LUZP1: variants seen among roughly 807,000 people sequenced by gnomAD.
The protein encoded by LUZP1 is leucine zipper protein 1.
LUZP1 carries 25 observed loss-of-function variants against 71.3 expected under a neutral mutation model. The ratio of observed to expected loss-of-function variants is 0.35; its 90% confidence interval spans 0.26 to 0.49. The LOEUF (loss-of-function observed/expected upper bound fraction) is 0.49, where lower values mean the gene tolerates loss of function less well. Among genes scored for constraint, LUZP1 ranks in the 20% least tolerant of loss-of-function variants. The probability of loss-of-function intolerance (pLI) is 0.99; values close to 1 mark genes in which losing one functional copy is unlikely to be tolerated. For missense variants in LUZP1, 1,142 were observed against 1,300.8 expected (o/e 0.88, Z 1.88); for synonymous variants, 481 against 506.4 (o/e 0.95, Z 0.67).
At chr1:23,117,478 C>CTCTCTCTCTCTCTCTCT (rs35662791) in intron 2 of LUZP1, among the ~76,000 whole-genome samples, 3 of 17,448 alleles carry the variant, frequency 1.7e-4, no homozygotes, top group African/African-American at 7.7e-4. Flanking sequence ...TCTCTCTCTC[C>CTCTCTCTCTCTCTCTCT]CCCCCCCCCC....
chr1:23,101,356 T>A (rs1342311902), intron 3 of LUZP1, among the ~76,000 whole-genome samples: 1 of 152,142 alleles, frequency 6.6e-6, no homozygotes, highest in Admixed American at 6.6e-5. Flanking sequence ...CACAATAACC[T>A]TATGGGGCAA....
chr1:23,091,884 G>A, exon 4 of LUZP1: 18 of 1,614,168 alleles, frequency 1.1e-5, no homozygotes, highest in Non-Finnish European at 1.4e-5. Context: ...AATGCTACTT[G>A]TCACTTTGTT....
intron 2 of LUZP1, among the ~76,000 whole-genome samples, chr1:23,145,731 A>G (rs992085697): frequency 4.6e-5 from 7 of 152,234 alleles, no homozygotes; most frequent in African/African-American, 1.4e-4. Context: ...TCAGCCTCCC[A>G]AAGTGCTGGG....
chr1:23,092,265 G>C, exon 4 of LUZP1: 1 of 1,614,168 alleles, frequency 6.2e-7, no homozygotes, highest in Non-Finnish European at 8.5e-7. Context: ...AACAAGAGAT[G>C]CTATGTCCAA....
chr1:23,097,671 A>T (rs555149014), intron 3 of LUZP1, among the ~76,000 whole-genome samples: 1 of 152,232 alleles, frequency 6.6e-6, no homozygotes, highest in South Asian at 2.1e-4. Context: ...CGTCTCTATA[A>T]AAAAAGGTAA....
At chr1:23,132,140 T>C (rs1410251092) in intron 2 of LUZP1, among the ~76,000 whole-genome samples, 1 of 152,146 alleles carries the variant, frequency 6.6e-6, no homozygotes, top group East Asian at 1.9e-4. Flanking sequence ...GACAGAAATA[T>C]GGTATTTCCT....
At chr1:23,136,491 T>A (rs1029367300) in intron 2 of LUZP1, among the ~76,000 whole-genome samples, 2 of 152,190 alleles carry the variant, frequency 1.3e-5, no homozygotes, top group African/African-American at 4.8e-5. Flanking sequence ...ACTCAAACTT[T>A]AGTATTGTGT....
intron 2 of LUZP1, among the ~76,000 whole-genome samples, chr1:23,149,715 C>T (rs1412775791): frequency 1.3e-5 from 2 of 151,968 alleles, no homozygotes; most frequent in Non-Finnish European, 2.9e-5. Flanking sequence ...TGGTTCACGC[C>T]TATAATCCCA....
At chr1:23,135,129 T>C (rs1459275701) in intron 2 of LUZP1, among the ~76,000 whole-genome samples, 2 of 152,312 alleles carry the variant, frequency 1.3e-5, no homozygotes, top group East Asian at 1.9e-4. Context: ...TGGGGCTAAA[T>C]GTGTTTTGAA....
chr1:23,134,176 A>G (rs1644236012), intron 2 of LUZP1, among the ~76,000 whole-genome samples: 1 of 152,078 alleles, frequency 6.6e-6, no homozygotes, highest in South Asian at 2.1e-4. Flanking sequence ...GCTGACTCCT[A>G]CTCTAGATTA....
exon 5 of LUZP1, chr1:23,084,765 G>GGAAA (rs1450431506): frequency 2.0e-5 from 3 of 152,062 alleles, no homozygotes; most frequent in Non-Finnish European, 4.4e-5. Flanking sequence ...TGGCAGTAAT[G>GGAAA]GAAAGAATCT....
chr1:23,144,292 T>C (rs539856437), intron 2 of LUZP1, among the ~76,000 whole-genome samples: 5 of 152,234 alleles, frequency 3.3e-5, no homozygotes, highest in African/African-American at 9.6e-5. Flanking sequence ...TGCAGAGATC[T>C]TGCAGTACAT....
At chr1:23,150,595 G>T (rs1007127663) in intron 2 of LUZP1, among the ~76,000 whole-genome samples, 21 of 152,050 alleles carry the variant, frequency 1.4e-4, no homozygotes, top group African/African-American at 4.8e-4. Flanking sequence ...GAAAAGAATG[G>T]GACTGAGCTT....
intron 2 of LUZP1, among the ~76,000 whole-genome samples, chr1:23,167,247 G>C (rs1644516754): frequency 6.6e-6 from 1 of 152,080 alleles, no homozygotes; most frequent in Non-Finnish European, 1.5e-5. Flanking sequence ...CTAATTTGAG[G>C]TAGTCAAATC....
chr1:23,117,691 C>A (rs1644096444), intron 2 of LUZP1, among the ~76,000 whole-genome samples: 1 of 152,036 alleles, frequency 6.6e-6, no homozygotes, highest in Admixed American at 6.6e-5. Flanking sequence ...GTTCTGCCTC[C>A]CACCCCTAAG....
chr1:23,139,397 C>A (rs1417351700), intron 2 of LUZP1, among the ~76,000 whole-genome samples: 1 of 151,908 alleles, frequency 6.6e-6, no homozygotes, highest in Admixed American at 6.6e-5. Flanking sequence ...ATAGGTGACC[C>A]TTGAACAACA....
At chr1:23,085,263 GTTTA>G (rs1386305208) in exon 5 of LUZP1, 1 of 152,578 alleles carries the variant, frequency 6.6e-6, no homozygotes, top group African/African-American at 2.4e-5. Context: ...TGCAATAACA[GTTTA>G]TTTGAGGGCT....
rs765448028 is a variant in LUZP1 at position 23,093,861 on chromosome 1, C to G, written c.401G>C (p.Cys134Ser). 5.0e-6 allele frequency: 8 copies of G among 1,613,982 alleles called. No homozygotes were observed. The East Asian group carries it at 1.1e-4, about 22-fold the overall frequency. The change falls in exon 4 of 5, where the codon TGT becomes TCT. Residue 134 changes from cysteine (C) to serine (S), a missense_variant. Cys to Ser is a moderately radical substitution (Grantham distance 112). Transcript: ENST00000302291. The surrounding 1 kb of genome is among the most constrained non-coding windows in gnomAD (Gnocchi z 4.2). ...ATTCAGGCTCAGACACAGCTGGGTACAGTCATTCTTACTCCTGCTGAAGGC... is the reference window on the plus strand; with the variant it reads ...ATTCAGGCTCAGACACAGCTGGGTAGAGTCATTCTTACTCCTGCTGAAGGC...
At chr1:23,124,485 CCT>C (rs1403192871) in intron 2 of LUZP1, among the ~76,000 whole-genome samples, 2 of 152,170 alleles carry the variant, frequency 1.3e-5, no homozygotes, top group Admixed American at 1.3e-4. Flanking sequence ...TGTGAATTCT[CCT>C]CTGTTGCTTT....
Sources: gnomAD v4.1 joint callset for allele counts (sites outside exome capture counted in the v4.1 genomes callset) on GRCh38, gnomAD v4.1.1 for gene constraint, Gnocchi (gnomAD v3.1) non-coding constraint, MANE v1.5 for transcripts, NCBI Gene and HGNC (gene_info 2026-07-23, HGNC 2026-07-21) for gene names.